The following PTPRD variants were observed in gnomAD, a reference collection of about 807,000 sequenced individuals.
PTPRD encodes protein tyrosine phosphatase receptor type D.
A neutral mutation model predicts 214.5 loss-of-function variants in PTPRD; 34 were observed. The ratio of observed to expected loss-of-function variants is 0.16; its 90% CI spans 0.12 to 0.21. The LOEUF (loss-of-function observed/expected upper bound fraction) is 0.21. PTPRD is among the 10% of genes least tolerant of loss of function. The pLI is 1.00. For synonymous variants in PTPRD, 1,128 were observed against 845.7 expected (o/e 1.33, Z -5.79); for missense variants, 2,545 against 2,398.7 (o/e 1.06, Z -1.27).
In PTPRD at chr9:10,057,476, A is replaced by T. The variant is rs543235845; in HGVS notation, c.-544-23686T>A. On this transcript the variant is annotated intron_variant, in intron 3 of 45. Transcript: ENST00000381196. The stretch of plus-strand genomic sequence containing the variant: ...TCCAAACATTCGCACTCTTTCTTTC[A>T]TAGACCTAAGGACATTAAAGAAGAA... 6.0e-5 allele frequency among the ~76,000 whole-genome samples: 9 copies of T among 149,302 alleles called. No homozygotes were observed. The South Asian group carries it at 6.3e-4, about 10-fold the overall frequency.
intron 5 of PTPRD, among the ~76,000 whole-genome samples, chr9:9,925,602 TC>T (rs1345244761): frequency 5.3e-5 from 8 of 151,964 alleles, no homozygotes; most frequent in African/African-American, 1.7e-4. Context: ...CTCATTTTTT[TC>T]AGCATTCAGA....
At chr9:10,057,861 A>C (rs202122192) in intron 3 of PTPRD, among the ~76,000 whole-genome samples, 1 of 94,174 alleles carries the variant, frequency 1.1e-5, no homozygotes, top group African/African-American at 3.6e-5. Flanking sequence ...CAAAAAAAAA[A>C]CAAAAAAAAA....
chr9:9,941,645 T>A (rs1239060069), intron 4 of PTPRD, among the ~76,000 whole-genome samples: 1 of 152,156 alleles, frequency 6.6e-6, no homozygotes, highest in African/African-American at 2.4e-5. Flanking sequence ...CTATAATAAA[T>A]TTGTCACAAT....
At chr9:10,531,112 G>A (rs1358609164) in intron 2 of PTPRD, among the ~76,000 whole-genome samples, 1 of 152,030 alleles carries the variant, frequency 6.6e-6, no homozygotes, top group East Asian at 1.9e-4. Flanking sequence ...ACCACGCCCG[G>A]CTAATTTTTG....
chr9:9,334,493 AG>A (rs1175475274), intron 9 of PTPRD, among the ~76,000 whole-genome samples: 1 of 152,016 alleles, frequency 6.6e-6, no homozygotes, highest in Non-Finnish European at 1.5e-5. Context: ...CAAGTTCAGA[AG>A]TGACAGAATA....
intron 10 of PTPRD, among the ~76,000 whole-genome samples, chr9:9,019,321 A>AAAGAAAGAAAGAAAGAAAGGAAGG (rs1569429306): frequency 1.1e-5 from 1 of 87,606 alleles, no homozygotes; most frequent in Non-Finnish European, 2.4e-5. Context: ...AGAAAGAAAG[A>AAAGAAAGAAAGAAAGAAAGGAAGG]AAGAAAGAAA....
chr9:9,871,976 T>G (rs140776086), intron 5 of PTPRD, among the ~76,000 whole-genome samples: 1 of 152,294 alleles, frequency 6.6e-6, no homozygotes, highest in African/African-American at 2.4e-5. Flanking sequence ...CATGTATAAC[T>G]TCATTTAATC....
At chr9:9,279,517 T>C (rs2133451790) in intron 9 of PTPRD, among the ~76,000 whole-genome samples, 1 of 150,550 alleles carries the variant, frequency 6.6e-6, no homozygotes, top group South Asian at 2.1e-4. Context: ...AAGATACTCA[T>C]AAACTTCATT....
At chr9:8,988,048 T>A (rs183412479) in intron 11 of PTPRD, among the ~76,000 whole-genome samples, 1 of 151,236 alleles carries the variant, frequency 6.6e-6, no homozygotes, top group African/African-American at 2.4e-5. Context: ...AAGGAGGAAG[T>A]TGGGGAGAGA....
chr9:8,638,906 A>G (rs777421078), intron 12 of PTPRD, among the ~76,000 whole-genome samples: 4 of 152,090 alleles, frequency 2.6e-5, no homozygotes, highest in Non-Finnish European at 5.9e-5. Context: ...GCAGTGGCAC[A>G]ATCTCGACTC....
intron 3 of PTPRD, among the ~76,000 whole-genome samples, chr9:10,227,635 T>C (rs1018845392): frequency 2.0e-5 from 3 of 151,944 alleles, no homozygotes; most frequent in African/African-American, 7.2e-5. Context: ...TAGAAAGTGA[T>C]GCTGTAATTG....
At chr9:9,813,408 C>A (rs543938397) in intron 5 of PTPRD, among the ~76,000 whole-genome samples, 49 of 151,674 alleles carry the variant, frequency 3.2e-4, no homozygotes, top group Non-Finnish European at 4.3e-4. Flanking sequence ...GAACAAAAGA[C>A]AGAGCTCAAT....
chr9:10,235,764 T>G (rs559790544), intron 3 of PTPRD, among the ~76,000 whole-genome samples: 2 of 152,122 alleles, frequency 1.3e-5, no homozygotes, highest in South Asian at 2.1e-4. Flanking sequence ...GACACATGCT[T>G]AAGTATCTAA....
intron 4 of PTPRD, among the ~76,000 whole-genome samples, chr9:9,981,766 C>T (rs1240627894): frequency 2.0e-5 from 3 of 151,984 alleles, no homozygotes; most frequent in Non-Finnish European, 2.9e-5. Flanking sequence ...ATTTTAAAGG[C>T]GCTTTTTGAC....
At chr9:9,007,471 A>ATATT (rs1173205568) in intron 11 of PTPRD, among the ~76,000 whole-genome samples, 12 of 137,394 alleles carry the variant, frequency 8.7e-5, no homozygotes, top group Non-Finnish European at 1.3e-4. Flanking sequence ...TTTTAAAAAT[A>ATATT]TATTTTTTTT....
At chr9:9,375,415 G>A (rs1480992932) in intron 9 of PTPRD, among the ~76,000 whole-genome samples, 2 of 152,060 alleles carry the variant, frequency 1.3e-5, no homozygotes, top group Non-Finnish European at 2.9e-5. Context: ...GACCAACATG[G>A]TGAAACCCCA....
chr9:8,983,113 T>C (rs1431118962), intron 11 of PTPRD, among the ~76,000 whole-genome samples: 2 of 152,100 alleles, frequency 1.3e-5, no homozygotes, highest in Non-Finnish European at 2.9e-5. Context: ...TAGTCTGTTT[T>C]CATCATGAGT....
chr9:9,903,838 A>G (rs1034045216), intron 5 of PTPRD, among the ~76,000 whole-genome samples: 31 of 152,098 alleles, frequency 2.0e-4, no homozygotes, highest in African/African-American at 6.8e-4. Context: ...ATCTTATTCA[A>G]TGTGTTTCAG....
At chr9:9,532,309 A>T (rs2075656196) in intron 8 of PTPRD, among the ~76,000 whole-genome samples, 1 of 152,162 alleles carries the variant, frequency 6.6e-6, no homozygotes, top group African/African-American at 2.4e-5. Flanking sequence ...TTACCAAATT[A>T]ACAAAAACAT....
Sources: allele counts gnomAD v4.1 joint callset (sites outside exome capture counted in the v4.1 genomes callset), GRCh38; gene constraint gnomAD v4.1.1; transcripts MANE v1.5; gene names NCBI Gene and HGNC (gene_info 2026-07-23, HGNC 2026-07-21).